The following ZNF682 variants were observed in gnomAD, a reference collection of about 807,000 sequenced individuals.
The protein encoded by ZNF682 is zinc finger protein 682.
Under a neutral mutation model 36.5 loss-of-function variants are expected in ZNF682, and 29 were observed. The ratio of observed to expected loss-of-function variants is 0.80; its 90% confidence interval spans 0.59 to 1.08. The LOEUF is 1.08. ZNF682 is among the 50% of genes least tolerant of loss of function. The probability of loss-of-function intolerance (pLI) is 0.00; values close to 1 mark genes in which losing one functional copy is unlikely to be tolerated. For synonymous variants in ZNF682, 180 were observed against 197.0 expected, an observed-to-expected ratio of 0.91 and a Z score of 0.72; for missense variants, 561 against 579.7, an observed-to-expected ratio of 0.97 and a Z score of 0.33.
chr19:20,039,170 C>T, intron 1 of ZNF682, 173 bp downstream of exon 1: 2 of 1,391,780 alleles, frequency 1.4e-6, no homozygotes, highest in African/African-American at 1.5e-5. Flanking sequence ...GCTGCTGGCC[C>T]ACCTCGCATC....
intron 1 of ZNF682, among the ~76,000 whole-genome samples, chr19:20,036,849 T>C (rs796205534): frequency 6.8e-6 from 1 of 147,912 alleles, no homozygotes; most frequent in Non-Finnish European, 1.5e-5. Context: ...GCTAGGCAAG[T>C]TGGTGCATGC....
At chr19:20,011,124 A>G (rs932393759) in intron 3 of ZNF682, among the ~76,000 whole-genome samples, 13 of 152,164 alleles carry the variant, frequency 8.5e-5, no homozygotes, top group African/African-American at 2.9e-4. Flanking sequence ...CATCTATCAC[A>G]CAAATGGGAA....
chr19:20,039,038 C>T, intron 1 of ZNF682: 1 of 913,220 alleles, frequency 1.1e-6, no homozygotes, highest in Non-Finnish European at 1.5e-6. Context: ...CTGGACTCTG[C>T]CCTGAGGACG....
intron 1 of ZNF682, 78 bp from the exon 2 acceptor site, chr19:20,024,454 T>C: frequency 1.4e-6 from 2 of 1,478,826 alleles, no homozygotes; most frequent in South Asian, 2.7e-5. Context: ...AGAGAATTGC[T>C]GTGACTTATG....
Position 20,039,393 on chromosome 19 carries a change from C to T in ZNF682, c.-48G>A. On this transcript the variant is annotated 5_prime_UTR_variant, in exon 1 of 4. It removes an upstream start codon present in the reference 5' UTR. Transcript: ENST00000397165. ...GGAGTCTTAGCTCTGGATCTCACAG[C>T]ATCTGCAAGTCAGAGGGCAACAGAG... 1 of 1,608,760 alleles carries T rather than the reference C, an allele frequency of 6.2e-7. No homozygotes were observed. Among genetic ancestry groups the T allele is most frequent in the South Asian group, 1.1e-5 (1 of 90,992 alleles).
chr19:20,030,028 C>T (rs1309540486), intron 1 of ZNF682, among the ~76,000 whole-genome samples: 1 of 152,064 alleles, frequency 6.6e-6, no homozygotes, highest in Non-Finnish European at 1.5e-5. Context: ...AAGGCTGGGA[C>T]AGGGAGAGGG....
intron 1 of ZNF682, among the ~76,000 whole-genome samples, chr19:20,031,729 T>C (rs2088481474): frequency 6.6e-6 from 1 of 152,064 alleles, no homozygotes; most frequent in Non-Finnish European, 1.5e-5. Context: ...GATCACGAGG[T>C]CAGGAGATCA....
At chr19:20,022,734 G>A (rs903237707) in intron 3 of ZNF682, among the ~76,000 whole-genome samples, 1 of 152,036 alleles carries the variant, frequency 6.6e-6, no homozygotes, top group Non-Finnish European at 1.5e-5. Flanking sequence ...TGTGCCCCAA[G>A]ACAATGAAAG....
At position 20,006,943 on chromosome 19, in the gene ZNF682, CTGAG is replaced by C. The variant is rs2088229536; in HGVS notation, c.555_558del (p.His185GlnfsTer8). On this transcript the variant is annotated frameshift_variant, in exon 4 of 4. Transcript: ENST00000397165. LOFTEE classifies it high-confidence loss of function. ...TGAATTATCTTATGATAAGAAAGGC[CTGAG>C]TGAGATTTAAAGACTTTGCCACATT... 6.2e-7 allele frequency: 1 copy of C among 1,613,282 alleles called. No homozygotes were observed. The highest frequency in any genetic ancestry group is 8.5e-7 in the Non-Finnish European group (1 of 1,179,516).
Position 20,022,345 on chromosome 19 carries a change from C to CCAAAACAAAA in ZNF682, c.226+649_226+658dup, listed in dbSNP as rs56274466. 2.7e-3 allele frequency among the ~76,000 whole-genome samples: 398 copies of CCAAAACAAAA among 148,952 alleles called. 3 individuals carry two copies. The highest frequency in any genetic ancestry group is 9.1e-3 in the African/African-American group (369 of 40,506). ...ATACAAACAAAAACAAAACCCAAAA[C>CCAAAACAAAA]CAAAACAAAACAAAACAAAAACCTT... is the stretch of plus-strand genomic sequence containing the variant. On this transcript the variant is annotated intron_variant, in intron 3 of 3. Transcript: ENST00000397165.
At chr19:20,002,235 A>C (rs1369670669), downstream of ZNF682, among the ~76,000 whole-genome samples, 1 of 142,682 alleles carries the variant, frequency 7.0e-6, no homozygotes, top group African/African-American at 2.6e-5. Flanking sequence ...GGCGTGTGCC[A>C]CCACCCCTGG....
chr19:20,018,496 A>G (rs909407187), intron 3 of ZNF682, among the ~76,000 whole-genome samples: 2 of 152,220 alleles, frequency 1.3e-5, no homozygotes, highest in African/African-American at 4.8e-5. Flanking sequence ...CCAAAGCTAT[A>G]AAGATAGAAA....
chr19:20,002,421 C>T (rs559600920), downstream of ZNF682, among the ~76,000 whole-genome samples: 115 of 152,250 alleles, frequency 7.6e-4, 1 homozygote, highest in African/African-American at 2.5e-3. Context: ...TGCTGAAAGA[C>T]GGGCCTCAGG....
At chr19:20,012,454 T>C (rs1421977983) in intron 3 of ZNF682, among the ~76,000 whole-genome samples, 1 of 152,090 alleles carries the variant, frequency 6.6e-6, no homozygotes, top group Non-Finnish European at 1.5e-5. Context: ...GACAAGGAAC[T>C]AATGTTCACA....
In ZNF682 at chr19:20,024,369, AAC is replaced by A. The variant is rs2076758756; in HGVS notation, c.9_10del (p.Leu4AspfsTer26). 6.2e-7 allele frequency: 1 copy of A among 1,609,128 alleles called. No homozygotes were observed. Among genetic ancestry groups the A allele is most frequent in the Non-Finnish European group, 8.5e-7 (1 of 1,178,606 alleles). ...TTCTATGGTCACATCCCTGAATGTC[AAC>A]AGTTCCTGAAAAACAAAACAAAACA... On this transcript the variant is annotated frameshift_variant, in exon 2 of 4. Transcript: ENST00000397165. LOFTEE classifies it high-confidence loss of function.
chr19:20,004,223 A>C (rs969562018), downstream of ZNF682, among the ~76,000 whole-genome samples: 8 of 152,352 alleles, frequency 5.3e-5, no homozygotes, highest in African/African-American at 1.9e-4. Context: ...AAAAATAATA[A>C]AAATGTAACC....
chr19:20,016,953 A>T (rs931121355), intron 3 of ZNF682, among the ~76,000 whole-genome samples: 3 of 152,146 alleles, frequency 2.0e-5, no homozygotes, highest in Non-Finnish European at 4.4e-5. Flanking sequence ...ATAACAAAGG[A>T]TGTAAAAAGG....
At chr19:20,025,850 C>T (rs1377727997) in intron 1 of ZNF682, among the ~76,000 whole-genome samples, 1 of 152,086 alleles carries the variant, frequency 6.6e-6, no homozygotes, top group African/African-American at 2.4e-5. Context: ...AAAGTTCAAG[C>T]TACAGATATC....
Position 20,006,933 on chromosome 19 carries a change from T to A in ZNF682, c.569A>T (p.Tyr190Phe). Residue 190 changes from tyrosine (Y) to phenylalanine (F), a missense_variant, in exon 4 of 4, where the codon TAT (tyrosine) becomes TTT (phenylalanine). By Grantham distance (22) the Tyr-to-Phe change is conservative (BLOSUM62 3). Coordinates refer to ENST00000397165, the MANE Select transcript of ZNF682 (RefSeq NM_033196.3). ...KVFKSHSGLSYHKIIHTEEKL... is the reference protein window; with the variant it reads ...KVFKSHSGLSFHKIIHTEEKL... Reference sequence around the variant, plus strand: ...CTCTTCAGTGTGAATTATCTTATGATAAGAAAGGCCTGAGTGAGATTTAAA... The same window carrying A: ...CTCTTCAGTGTGAATTATCTTATGAAAAGAAAGGCCTGAGTGAGATTTAAA... 1 of 1,613,768 alleles carries A rather than the reference T, an allele frequency of 6.2e-7. No individual in the cohort carries two copies. Among genetic ancestry groups the A allele is most frequent in the Non-Finnish European group, 8.5e-7 (1 of 1,179,788 alleles).
Sources: gnomAD v4.1 joint callset for allele counts (sites outside exome capture counted in the v4.1 genomes callset) on GRCh38, gnomAD v4.1.1 for gene constraint, MANE v1.5 for transcripts, NCBI Gene and HGNC (gene_info 2026-07-23, HGNC 2026-07-21) for gene names.